The following ZDHHC2 variants were observed in gnomAD, a reference collection of about 807,000 sequenced individuals.
ZDHHC2 encodes palmitoyltransferase ZDHHC2.
In ZDHHC2, 51 loss-of-function variants were observed where a neutral mutation model predicts 55.6. The observed-to-expected ratio is 0.92, with a 90% CI of 0.73 to 1.16. The LOEUF is 1.16. Among genes scored for constraint, ZDHHC2 ranks in the 50% most tolerant of loss-of-function variants. The pLI, the probability that ZDHHC2 is intolerant of heterozygous loss-of-function variation, is 0.00. For missense variants in ZDHHC2, 491 were observed against 442.4 expected, an observed-to-expected ratio of 1.11 and a Z score of -0.99; for synonymous variants, 199 against 152.9, an observed-to-expected ratio of 1.30 and a Z score of -2.22.
intron 1 of ZDHHC2, among the ~76,000 whole-genome samples, chr8:17,163,184 C>T (rs775208879): frequency 2.6e-5 from 4 of 152,156 alleles, no homozygotes; most frequent in East Asian, 1.9e-4. Context: ...GCGGAGCTGA[C>T]GTTGCACCTG....
At chr8:17,188,637 A>G (rs1160360169) in intron 3 of ZDHHC2, among the ~76,000 whole-genome samples, 1 of 152,052 alleles carries the variant, frequency 6.6e-6, no homozygotes, top group South Asian at 2.1e-4. Flanking sequence ...ATATACCTGC[A>G]TTTATTCCCT....
At chr8:17,187,849 C>T (rs1805793765) in intron 3 of ZDHHC2, among the ~76,000 whole-genome samples, 1 of 152,190 alleles carries the variant, frequency 6.6e-6, no homozygotes, top group Admixed American at 6.5e-5. Flanking sequence ...CCAAGCATAG[C>T]TTCTTGATAA....
intron 1 of ZDHHC2, among the ~76,000 whole-genome samples, chr8:17,169,746 T>C (rs1804764505): frequency 6.6e-6 from 1 of 152,138 alleles, no homozygotes; most frequent in Admixed American, 6.5e-5. Flanking sequence ...AATCCATACA[T>C]AAAATGAGGG....
chr8:17,187,983 G>A lies in ZDHHC2; in HGVS notation c.252+1558G>A, dbSNP rs551092771. ...CAGTTTATCACTGCTCTAATTCTGG[G>A]TCTTCATCATCTCCCTTGTCTGAGA... On this transcript the variant is annotated intron_variant, in intron 3 of 12. Coordinates refer to ENST00000262096, the MANE Select transcript of ZDHHC2 (RefSeq NM_016353.5). 4.6e-5 allele frequency among the ~76,000 whole-genome samples: 7 copies of A among 152,244 alleles called. No individual in the cohort carries two copies. The South Asian group carries it at 1.5e-3, about 32-fold the overall frequency.
At chr8:17,219,594 C>G (rs1434284852) in intron 12 of ZDHHC2, among the ~76,000 whole-genome samples, 3 of 151,642 alleles carry the variant, frequency 2.0e-5, no homozygotes, top group Non-Finnish European at 4.4e-5. Flanking sequence ...CCGTCTCTAC[C>G]AAAAATACAA....
chr8:17,190,804 C>T lies in ZDHHC2; in HGVS notation c.252+4379C>T, dbSNP rs533592365. Among the ~76,000 whole-genome samples the T allele has an allele frequency of 5.3e-5, 8 of 151,562 alleles. No individual in the cohort carries two copies. The South Asian group carries it at 6.3e-4, about 12-fold the overall frequency. On this transcript the variant is annotated intron_variant, in intron 3 of 12. Transcript: ENST00000262096. ...ATGCAATGTGTAATAATCACATCAG[C>T]GTAAATTGGGTATCAGTTACCACAA...
intron 1 of ZDHHC2, among the ~76,000 whole-genome samples, chr8:17,170,601 T>C (rs1289730067): frequency 6.6e-6 from 1 of 152,242 alleles, no homozygotes; most frequent in East Asian, 1.9e-4. Context: ...TTTAGAACGT[T>C]GCCTGTTTCC....
At chr8:17,160,940 C>G (rs1255973751) in intron 1 of ZDHHC2, among the ~76,000 whole-genome samples, 1 of 152,190 alleles carries the variant, frequency 6.6e-6, no homozygotes, top group Non-Finnish European at 1.5e-5. Context: ...AGCTAGACCA[C>G]TAGAATCTTG....
chr8:17,205,904 A>C, intron 7 of ZDHHC2, 129 bp downstream of exon 7: 1 of 846,774 alleles, frequency 1.2e-6, no homozygotes, highest in Non-Finnish European at 1.7e-6. Flanking sequence ...AGTCCTCATT[A>C]TTCGCAGATT....
rs543599775 is a variant in ZDHHC2, at chr8:17,172,651, A to G, written c.131-12138A>G. Among the ~76,000 whole-genome samples, 4 of 152,342 alleles carry G rather than the reference A, an allele frequency of 2.6e-5. No homozygotes were observed. The South Asian group carries it at 8.3e-4, about 32-fold the overall frequency. On this transcript the variant is annotated intron_variant, in intron 1 of 12. Coordinates refer to ENST00000262096, the MANE Select transcript of ZDHHC2 (RefSeq NM_016353.5). The stretch of plus-strand genomic sequence containing the variant: ...ACACTTATAACCTGGAGACTTTTAT[A>G]AACGTAAGGATTAAGAGCTACCAAC...
intron 3 of ZDHHC2, among the ~76,000 whole-genome samples, chr8:17,187,387 CAG>C (rs970035270): frequency 2.0e-5 from 3 of 151,758 alleles, no homozygotes; most frequent in Non-Finnish European, 2.9e-5. Flanking sequence ...ACTCTAATAA[CAG>C]TGTAGTTTTA....
chr8:17,196,484 T>G (rs1009795548), intron 4 of ZDHHC2, among the ~76,000 whole-genome samples: 3 of 150,354 alleles, frequency 2.0e-5, no homozygotes, highest in Admixed American at 2.0e-4. Flanking sequence ...AGCCCAGGAG[T>G]TAGAAGTTGC....
chr8:17,195,522 G>C lies in ZDHHC2; in HGVS notation c.271G>C (p.Glu91Gln), dbSNP rs775170529. The change falls in exon 4 of 13, where the codon GAG becomes CAG. Residue 91 changes from glutamate (E) to glutamine (Q), a missense_variant. Coordinates refer to ENST00000262096, the MANE Select transcript of ZDHHC2 (RefSeq NM_016353.5). Reference sequence around the variant, plus strand: ...TCCACAGTTCCATCTCTCTTATGCAGAGAAAGATTTGTTGGAGAGAGAGCC... The same window carrying C: ...TCCACAGTTCCATCTCTCTTATGCACAGAAAGATTTGTTGGAGAGAGAGCC... ...PSKEFHLSYA[E>Q]KDLLEREPRG... is the part of the protein sequence containing the mutation. The C allele has an allele frequency of 3.7e-6, 6 of 1,613,592 alleles. No individual in the cohort carries two copies. Among genetic ancestry groups the C allele is most frequent in the Non-Finnish European group, 5.1e-6 (6 of 1,179,712 alleles).
intron 1 of ZDHHC2, among the ~76,000 whole-genome samples, chr8:17,168,149 C>T (rs531680397): frequency 5.3e-5 from 8 of 152,128 alleles, no homozygotes; most frequent in Non-Finnish European, 1.0e-4. Flanking sequence ...TTTACATTCT[C>T]TTTCATCTAT....
intron 1 of ZDHHC2, among the ~76,000 whole-genome samples, chr8:17,178,153 A>G (rs1805243750): frequency 6.6e-6 from 1 of 152,126 alleles, no homozygotes; most frequent in African/African-American, 2.4e-5. Context: ...CTAAAAGTTC[A>G]ACTAGATTTA....
intron 3 of ZDHHC2, among the ~76,000 whole-genome samples, chr8:17,189,449 C>A (rs1805908064): frequency 6.6e-6 from 1 of 152,184 alleles, no homozygotes; most frequent in Non-Finnish European, 1.5e-5. Context: ...TATCTTTGTT[C>A]ACTGCTTCAT....
intron 1 of ZDHHC2, among the ~76,000 whole-genome samples, chr8:17,160,652 T>G (rs1804294313): frequency 6.6e-6 from 1 of 152,212 alleles, no homozygotes; most frequent in African/African-American, 2.4e-5. Context: ...TCTTTTTAAC[T>G]TTATTATCGT....
intron 3 of ZDHHC2, among the ~76,000 whole-genome samples, chr8:17,192,426 A>T (rs1255502792): frequency 6.6e-6 from 1 of 152,212 alleles, no homozygotes; most frequent in Non-Finnish European, 1.5e-5. Flanking sequence ...TCGTCTTTTG[A>T]GAAATGTCTA....
intron 8 of ZDHHC2, among the ~76,000 whole-genome samples, chr8:17,208,621 A>G (rs971305172): frequency 6.6e-6 from 1 of 152,116 alleles, no homozygotes; most frequent in African/African-American, 2.4e-5. Flanking sequence ...TGCAATGAGG[A>G]TTAATTACAG....
Sources: allele counts gnomAD v4.1 joint callset (sites outside exome capture counted in the v4.1 genomes callset), GRCh38; gene constraint gnomAD v4.1.1; transcripts MANE v1.5; gene names NCBI Gene and HGNC (gene_info 2026-07-23, HGNC 2026-07-21).